SLC2A9: variants seen among roughly 807,000 people sequenced by gnomAD.
SLC2A9 encodes the protein solute carrier family 2 member 9.
SLC2A9 carries 39 observed loss-of-function variants against 50.6 expected under a neutral mutation model. The ratio of observed to expected loss-of-function variants is 0.77; its 90% CI spans 0.60 to 1.01. The LOEUF is 1.01. SLC2A9 is among the 50% of genes least tolerant of loss of function. The pLI, the probability that SLC2A9 is intolerant of heterozygous loss-of-function variation, is 0.00. For synonymous variants in SLC2A9, 324 were observed against 276.9 expected (o/e 1.17, Z -1.69); for missense variants, 686 against 677.6 (o/e 1.01, Z -0.14).
chr4:9,850,575 A>G (rs1729721733), intron 10 of SLC2A9, among the ~76,000 whole-genome samples: 1 of 151,998 alleles, frequency 6.6e-6, no homozygotes, highest in African/African-American at 2.4e-5. Flanking sequence ...GACCCTCTTC[A>G]TGGCTTCTTT....
At chr4:9,988,663 C>T (rs974807142) in intron 3 of SLC2A9, among the ~76,000 whole-genome samples, 11 of 152,168 alleles carry the variant, frequency 7.2e-5, no homozygotes, top group Admixed American at 2.0e-4. Flanking sequence ...CAGAACTCCA[C>T]CTAGGATGCC....
intron 6 of SLC2A9, among the ~76,000 whole-genome samples, chr4:9,933,788 G>A (rs138299471): frequency 1.1e-4 from 16 of 152,258 alleles, no homozygotes; most frequent in Non-Finnish European, 2.1e-4. Flanking sequence ...GAGGCTCTAG[G>A]GAGAATCCGC....
At chr4:9,826,640 C>A (rs1433430213) in intron 11 of SLC2A9, 40 bp from the exon 12 acceptor site, 6 of 1,582,278 alleles carry the variant, frequency 3.8e-6, no homozygotes, top group South Asian at 1.1e-5. Context: ...AATAGATAAT[C>A]AGTAAACTTG....
chr4:9,870,562 T>C (rs530231248), intron 10 of SLC2A9, among the ~76,000 whole-genome samples: 45 of 152,356 alleles, frequency 3.0e-4, no homozygotes, highest in African/African-American at 1.0e-3. Flanking sequence ...AGAGGTTTTC[T>C]GGAGGGTTTT....
At chr4:9,906,470 G>A (rs777075238) in intron 8 of SLC2A9, among the ~76,000 whole-genome samples, 14 of 152,164 alleles carry the variant, frequency 9.2e-5, no homozygotes, top group Non-Finnish European at 1.8e-4. Flanking sequence ...AGAAAATGGA[G>A]AGTCATTCTG....
At chr4:9,974,092 A>G (rs1754373104) in intron 5 of SLC2A9, among the ~76,000 whole-genome samples, 2 of 152,206 alleles carry the variant, frequency 1.3e-5, no homozygotes, top group Admixed American at 1.3e-4. Context: ...ACAAGCCTTA[A>G]TGATAAAACC....
intron 10 of SLC2A9, among the ~76,000 whole-genome samples, chr4:9,886,978 C>T (rs1168767119): frequency 6.6e-6 from 1 of 152,336 alleles, no homozygotes; most frequent in South Asian, 2.1e-4. Flanking sequence ...CCCAGGTAAA[C>T]TGAGGCTGGG....
At chr4:9,943,318 T>C (rs1482763308) in intron 5 of SLC2A9, among the ~76,000 whole-genome samples, 1 of 152,180 alleles carries the variant, frequency 6.6e-6, no homozygotes, top group East Asian at 1.9e-4. Flanking sequence ...TTGATTCCCT[T>C]TTCTGTATCT....
At chr4:9,845,548 G>A (rs1213472665) in intron 10 of SLC2A9, among the ~76,000 whole-genome samples, 3 of 147,920 alleles carry the variant, frequency 2.0e-5, no homozygotes, top group Non-Finnish European at 4.4e-5. Context: ...TCCTGCCTCA[G>A]CCTCCCGAGT....
At chr4:9,830,934 CCT>C (rs979705615) in intron 11 of SLC2A9, among the ~76,000 whole-genome samples, 2 of 152,112 alleles carry the variant, frequency 1.3e-5, no homozygotes, top group African/African-American at 2.4e-5. Flanking sequence ...AAGGATTTTC[CCT>C]GTTTTACAGG....
At chr4:9,948,184 T>G (rs2108819919) in intron 5 of SLC2A9, among the ~76,000 whole-genome samples, 1 of 152,234 alleles carries the variant, frequency 6.6e-6, no homozygotes, top group Middle Eastern at 3.4e-3. Flanking sequence ...CTCGGGATAC[T>G]TATCCAAGGT....
At chr4:9,943,833 T>C (rs776166201) in intron 5 of SLC2A9, among the ~76,000 whole-genome samples, 4 of 152,112 alleles carry the variant, frequency 2.6e-5, no homozygotes, top group Non-Finnish European at 4.4e-5. Flanking sequence ...ACCAACCCCA[T>C]GAAGCTCCTA....
intron 5 of SLC2A9, among the ~76,000 whole-genome samples, chr4:9,975,035 GA>G (rs747435576): frequency 7.4e-4 from 113 of 152,294 alleles, no homozygotes; most frequent in Non-Finnish European, 1.4e-3. Flanking sequence ...ATGGTGCTGG[GA>G]TAGTTGGTTT....
In SLC2A9 at chr4:9,919,708, C is replaced by T. The variant is rs769200955; in HGVS notation, c.1002+677G>A. ...CTACGCTCCCCTGCCAAGTGGTTGG[C>T]CAGCCTATTTGCACACTTCCATAGA... On this transcript the variant is annotated intron_variant, in intron 7 of 11. Transcript: ENST00000264784. Among the ~76,000 whole-genome samples, 7 of 152,298 alleles carry T rather than the reference C, an allele frequency of 4.6e-5. No homozygotes were observed. The East Asian group carries it at 1.4e-3, about 29-fold the overall frequency.
intron 10 of SLC2A9, 145 bp downstream of exon 10, chr4:9,887,422 C>A: frequency 1.3e-6 from 1 of 756,180 alleles, no homozygotes; most frequent in Non-Finnish European, 2.1e-6. Flanking sequence ...TTAAATTGGG[C>A]CAAAAGAAAG....
intron 5 of SLC2A9, among the ~76,000 whole-genome samples, chr4:9,976,581 A>G (rs987441000): frequency 6.6e-6 from 1 of 152,226 alleles, no homozygotes; most frequent in Non-Finnish European, 1.5e-5. Context: ...AAACAGAAGG[A>G]TATTTACAGG....
chr4:9,950,185 A>T (rs1282982108), intron 5 of SLC2A9, among the ~76,000 whole-genome samples: 1 of 152,180 alleles, frequency 6.6e-6, no homozygotes, highest in Non-Finnish European at 1.5e-5. Flanking sequence ...TAGAATTGCT[A>T]TTTTTGGTGC....
intron 3 of SLC2A9, among the ~76,000 whole-genome samples, chr4:9,808,128 GGT>G (rs1722372067): frequency 6.6e-6 from 1 of 152,176 alleles, no homozygotes; most frequent in Non-Finnish European, 1.5e-5. Context: ...GGGCTGTCAC[GGT>G]GTCTTGGCTG....
intron 1 of SLC2A9, chr4:10,034,516 C>A (rs10006397): frequency 0.77 from 117,804 of 152,312 alleles, 45,925 homozygotes; most frequent in Non-Finnish European, 0.82. Context: ...CCTTACAGCT[C>A]TTGTCTTCAT....
Sources: allele counts gnomAD v4.1 joint callset (sites outside exome capture counted in the v4.1 genomes callset), GRCh38; gene constraint gnomAD v4.1.1; transcripts MANE v1.5; gene names NCBI Gene and HGNC (gene_info 2026-07-23, HGNC 2026-07-21).